C19orf53: variants seen among roughly 807,000 people sequenced by gnomAD.
C19orf53 encodes the protein leydig cell tumor 10 kDa protein homolog.
C19orf53 carries 9 observed loss-of-function variants against 6.5 expected under a neutral mutation model. That is an observed-to-expected ratio of 1.38 (90% CI 0.83 to 2.40). The LOEUF (loss-of-function observed/expected upper bound fraction) is 2.40, where lower values mean the gene tolerates loss of function less well. Ranked by LOEUF, C19orf53 falls within the 30% of genes most tolerant of loss-of-function variation. The pLI is 0.00. For missense variants in C19orf53, 166 were observed against 129.7 expected, an observed-to-expected ratio of 1.28 and a Z score of -1.36; for synonymous variants, 68 against 52.5, an observed-to-expected ratio of 1.29 and a Z score of -1.27.
intron 2 of C19orf53, among the ~76,000 whole-genome samples, chr19:13,777,296 A>G (rs1160931272): frequency 6.6e-6 from 1 of 151,298 alleles, no homozygotes; most frequent in Non-Finnish European, 1.5e-5. Flanking sequence ...CCCAGGCTGC[A>G]GTGTAGTGGA....
In C19orf53 at chr19:13,778,380, C is replaced by A; in HGVS notation, c.*182C>A. Reference sequence around the variant, plus strand: ...AGCAATGACCAGGAAGATACAGTCACTAACTTCATCTGTCCCCGTGCCCCT... The same window carrying A: ...AGCAATGACCAGGAAGATACAGTCAATAACTTCATCTGTCCCCGTGCCCCT... On this transcript the variant is annotated 3_prime_UTR_variant, in exon 3 of 3. Coordinates refer to ENST00000588234, the MANE Select transcript of C19orf53 (RefSeq NM_014047.3). 1 of 642,316 alleles carries A rather than the reference C, an allele frequency of 1.6e-6. No individual in the cohort carries two copies. The highest frequency in any genetic ancestry group is 2.4e-6 in the Non-Finnish European group (1 of 411,792). 39.8% of individuals were successfully genotyped at this position (642,316 alleles called of 1,614,324 possible).
intron 2 of C19orf53, among the ~76,000 whole-genome samples, chr19:13,777,392 T>G (rs1194987297): frequency 6.6e-6 from 1 of 152,138 alleles, no homozygotes; most frequent in Non-Finnish European, 1.5e-5. Flanking sequence ...CACACCGTGC[T>G]AATTCTTTCT....
At chr19:13,777,271 G>A (rs779391767) in intron 2 of C19orf53, among the ~76,000 whole-genome samples, 2 of 151,474 alleles carry the variant, frequency 1.3e-5, no homozygotes, top group Non-Finnish European at 2.9e-5. Context: ...TCTTTGAGAC[G>A]GTCTCACGCT....
At chr19:13,774,918 C>G in intron 2 of C19orf53, 2 of 641,084 alleles carry the variant, frequency 3.1e-6, no homozygotes, top group South Asian at 2.1e-5. Context: ...GAGGTGGAAG[C>G]TGGCGAGGGA....
Position 13,777,104 on chromosome 19 carries a change from A to C in C19orf53, c.154-948A>C, listed in dbSNP as rs936517782. The stretch of plus-strand genomic sequence containing the variant: ...GTAGCTGGGATTACAGGCGCCCGCC[A>C]CCACACCTGGCTACTTTTTGTGTTT... On this transcript the variant is annotated intron_variant, in intron 2 of 2. Coordinates refer to ENST00000588234, the MANE Select transcript of C19orf53 (RefSeq NM_014047.3). 6.6e-5 allele frequency among the ~76,000 whole-genome samples: 10 copies of C among 152,094 alleles called. No individual in the cohort carries two copies. In the South Asian group the frequency reaches 2.1e-3, roughly 32 times the overall value.
At chr19:13,775,141 C>T (rs180741541) in intron 2 of C19orf53, among the ~76,000 whole-genome samples, 55 of 152,232 alleles carry the variant, frequency 3.6e-4, no homozygotes, top group Non-Finnish European at 2.9e-5. Flanking sequence ...AAAAGGGTTC[C>T]AATAACGTCA....
Position 13,774,523 on chromosome 19 carries a change from A to G in C19orf53, c.46A>G (p.Ser16Gly), listed in dbSNP as rs558758777. 91 of 1,613,802 alleles carry G rather than the reference A, an allele frequency of 5.6e-5. 2 individuals are homozygous for G. In the South Asian group the frequency reaches 8.3e-4, roughly 15 times the overall value. Reference sequence around the variant, plus strand: ...GTTTCAGGCGCACAAACCCGCAAAGAGTAAGACGGCAGCGGCAGCCTCTGA... The same window carrying G: ...GTTTCAGGCGCACAAACCCGCAAAGGGTAAGACGGCAGCGGCAGCCTCTGA... ...RKFQAHKPAK[S>G]KTAAAASEKN... The change falls in exon 1 of 3, where the codon AGT becomes GGT. Residue 16 changes from serine to glycine, a missense_variant. Ser to Gly is a moderately conservative substitution (Grantham distance 56). Coordinates refer to ENST00000588234, the MANE Select transcript of C19orf53 (RefSeq NM_014047.3).
In C19orf53 at chr19:13,774,596, T is replaced by TG. The variant is rs772650697; in HGVS notation, c.97+27dup. 8 of 1,613,686 alleles carry TG rather than the reference T, an allele frequency of 5.0e-6. No homozygotes were observed. In the South Asian group the frequency reaches 5.5e-5, roughly 11 times the overall value. ...GGCGGTAAGGAGCGGCCCGGGGACT[T>TG]GGGGGCGAGGTGGACCCCCGGCTTC... is the stretch of plus-strand genomic sequence containing the variant. On this transcript the variant is annotated intron_variant, in intron 1 of 2. Coordinates refer to ENST00000588234, the MANE Select transcript of C19orf53 (RefSeq NM_014047.3).
intron 2 of C19orf53, among the ~76,000 whole-genome samples, chr19:13,776,945 G>A (rs1974377461): frequency 6.6e-6 from 1 of 151,614 alleles, no homozygotes; most frequent in African/African-American, 2.4e-5. Flanking sequence ...CATTGGAACT[G>A]TTTTTGTTTT....
chr19:13,777,760 T>C (rs1974385515), intron 2 of C19orf53, among the ~76,000 whole-genome samples: 2 of 152,190 alleles, frequency 1.3e-5, no homozygotes, highest in South Asian at 4.1e-4. Context: ...CCATGCAGTT[T>C]AGGGACCTGG....
Position 13,774,797 on chromosome 19 carries a change from G to A in C19orf53, c.153+90G>A, listed in dbSNP as rs550615398. ...GGCGAGGGGGGATGGGTGGAGCCCG[G>A]GGATCAGTGAGGGGAGAGGGTGGAT... On this transcript the variant is annotated intron_variant, in intron 2 of 2. Transcript: ENST00000588234. 613 of 1,494,484 alleles carry A rather than the reference G, an allele frequency of 4.1e-4. 1 individual carries two copies. The highest frequency in any genetic ancestry group is 7.0e-4 in the Admixed American group (35 of 50,328). The allele number at this position is 1,494,484 out of a possible 1,614,324, so 92.6% of individuals were successfully genotyped here. A position where few individuals can be genotyped will look rare whatever the true frequency, so the allele number is the denominator to read the frequency against.
chr19:13,777,987 G>C, intron 2 of C19orf53, 65 bp from the exon 3 acceptor site: 2 of 1,538,714 alleles, frequency 1.3e-6, no homozygotes, highest in Non-Finnish European at 1.8e-6. Context: ...CCAGGAAGAG[G>C]GTGACTGGTC....
chr19:13,777,249 CTT>C lies in C19orf53; in HGVS notation c.154-792_154-791del, dbSNP rs57598587. 6.5e-3 allele frequency among the ~76,000 whole-genome samples: 968 copies of C among 148,292 alleles called. 8 individuals are homozygous for C. Among genetic ancestry groups the C allele is most frequent in the African/African-American group, 0.023 (916 of 40,576 alleles). ...TTACAGCCACTGCACCCAGCCGGAA[CTT>C]TTTTTTTTTTCTTTGAGACGGTCTC... On this transcript the variant is annotated intron_variant, in intron 2 of 2. Coordinates refer to ENST00000588234, the MANE Select transcript of C19orf53 (RefSeq NM_014047.3).
In C19orf53 at chr19:13,778,183, CAAGA is replaced by C; in HGVS notation, c.286_289del (p.Lys96HisfsTer86). On this transcript the variant is annotated frameshift_variant, in exon 3 of 3. Coordinates refer to ENST00000588234, the MANE Select transcript of C19orf53 (RefSeq NM_014047.3). LOFTEE classifies it high-confidence loss of function. ...AAGGGGCAGCTGCCGCCACCTCCTC[CAAGA>C]CACCTTCCTGAGGACGCTGGCCCCA... 6.2e-7 allele frequency: 1 copy of C among 1,606,504 alleles called. No homozygotes were observed. The highest frequency in any genetic ancestry group is 1.1e-5 in the South Asian group (1 of 90,404).
rs150018542 is a variant in C19orf53, at chr19:13,775,347, A to G, written c.153+640A>G. The G allele has an allele frequency of 6.8e-4, 110 of 160,878 alleles. 1 individual carries two copies. Among genetic ancestry groups the G allele is most frequent in the Non-Finnish European group, 1.1e-3 (78 of 74,176 alleles). The allele number at this position is 160,878 out of a possible 1,614,324, so 10.0% of individuals were successfully genotyped here. A position where few individuals can be genotyped will look rare whatever the true frequency, so the allele number is the denominator to read the frequency against. ...CAGGCTGGAGTGCAGTGGCCCCATT[A>G]TAGCTCACTGCAGCCTCAGCCTCCT... On this transcript the variant is annotated intron_variant, in intron 2 of 2. Transcript: ENST00000588234.
chr19:13,775,118 G>A (rs1402314117), intron 2 of C19orf53, among the ~76,000 whole-genome samples: 1 of 152,138 alleles, frequency 6.6e-6, no homozygotes, highest in Non-Finnish European at 1.5e-5. Flanking sequence ...GTAGAAGCAA[G>A]ACCTGCGGCC....
intron 2 of C19orf53, among the ~76,000 whole-genome samples, chr19:13,776,273 C>T (rs1041558498): frequency 1.3e-5 from 2 of 151,808 alleles, no homozygotes; most frequent in South Asian, 2.1e-4. Context: ...CCACTGTGCT[C>T]GCCCCTATTT....
At chr19:13,776,518 CCTCA>C (rs963783213) in intron 2 of C19orf53, among the ~76,000 whole-genome samples, 1 of 152,162 alleles carries the variant, frequency 6.6e-6, no homozygotes, top group Non-Finnish European at 1.5e-5. Context: ...AAGGTCCAGT[CCTCA>C]CTCAGCCACA....
rs1785009211 is a variant in C19orf53 at position 13,778,154 on chromosome 19, A to T, written c.256A>T (p.Lys86Ter). Residue 86 changes from lysine (K) to a stop codon, truncating the protein, a stop_gained, in exon 3 of 3, where the codon AAG (lysine) becomes TAG (stop). Coordinates refer to ENST00000588234, the MANE Select transcript of C19orf53 (RefSeq NM_014047.3). LOFTEE classifies it low-confidence loss of function (END_TRUNC). ...GGCACTGCTGAAGGCCCCAGCCAAG[A>T]AGAAAGGGGCAGCTGCCGCCACCTC... ...KLALLKAPAK[K>*]KGAAAATSSK... The T allele has an allele frequency of 1.2e-6, 2 of 1,611,936 alleles. No individual in the cohort carries two copies. The highest frequency in any genetic ancestry group is 1.3e-5 in the African/African-American group (1 of 74,854).
Sources: gnomAD v4.1 joint callset for allele counts (sites outside exome capture counted in the v4.1 genomes callset) on GRCh38, gnomAD v4.1.1 for gene constraint, MANE v1.5 for transcripts, NCBI Gene and HGNC (gene_info 2026-07-23, HGNC 2026-07-21) for gene names.